The following CNTN3 variants were observed in gnomAD, a reference collection of about 807,000 sequenced individuals.
CNTN3 encodes contactin 3.
A neutral mutation model predicts 119.1 loss-of-function variants in CNTN3; 60 were observed. The observed-to-expected ratio is 0.50, with a 90% confidence interval of 0.41 to 0.62. CNTN3 has a LOEUF of 0.62. Ranked by LOEUF, CNTN3 falls within the 20% of genes least tolerant of loss-of-function variation. The probability of loss-of-function intolerance (pLI) is 0.00; values close to 1 mark genes in which losing one functional copy is unlikely to be tolerated. For synonymous variants in CNTN3, 450 were observed against 438.7 expected (o/e 1.03, Z -0.32); for missense variants, 1,101 against 1,242.4 (o/e 0.89, Z 1.71).
intron 5 of CNTN3, among the ~76,000 whole-genome samples, chr3:74,407,266 T>G (rs887469670): frequency 1.7e-5 from 2 of 117,414 alleles, no homozygotes; most frequent in African/African-American, 5.7e-5. Flanking sequence ...AATATTCTAT[T>G]TTTTTTTTTT....
chr3:74,446,846 T>A (rs1157778404), intron 4 of CNTN3, among the ~76,000 whole-genome samples: 2 of 152,100 alleles, frequency 1.3e-5, no homozygotes, highest in African/African-American at 4.8e-5. Flanking sequence ...TCATAGGGTA[T>A]AAGTTTTTTT....
chr3:74,470,022 A>G (rs1702531331), intron 4 of CNTN3, among the ~76,000 whole-genome samples: 1 of 152,214 alleles, frequency 6.6e-6, no homozygotes, highest in Non-Finnish European at 1.5e-5. Flanking sequence ...TTATTCGGCA[A>G]TAAACAGGAA....
intron 2 of CNTN3, among the ~76,000 whole-genome samples, chr3:74,513,644 A>C (rs895896942): frequency 7.6e-6 from 1 of 131,900 alleles, no homozygotes; most frequent in African/African-American, 2.7e-5. Context: ...CGAGCAGTCC[A>C]AAAAAAAAAA....
chr3:74,555,443 G>A (rs1473663311), intron 1 of CNTN3, among the ~76,000 whole-genome samples: 5 of 152,134 alleles, frequency 3.3e-5, no homozygotes, highest in African/African-American at 9.7e-5. Context: ...GAGTTAGGGA[G>A]GATTGCCTCT....
chr3:74,357,706 GT>G (rs1031559053), intron 11 of CNTN3, among the ~76,000 whole-genome samples: 2 of 152,068 alleles, frequency 1.3e-5, no homozygotes, highest in African/African-American at 4.8e-5. Flanking sequence ...TGGCCTCTAT[GT>G]TAGGCTAGAG....
intron 3 of CNTN3, among the ~76,000 whole-genome samples, chr3:74,493,015 C>T (rs1308119735): frequency 2.0e-5 from 3 of 152,050 alleles, no homozygotes; most frequent in Admixed American, 1.3e-4. Flanking sequence ...TACTAACCTC[C>T]GCATAGTCTT....
intron 1 of CNTN3, among the ~76,000 whole-genome samples, chr3:74,568,182 T>G (rs1362195129): frequency 8.9e-6 from 1 of 112,620 alleles, no homozygotes; most frequent in East Asian, 4.5e-4. Context: ...TAGGAATTAC[T>G]TAATGATTTA....
intron 5 of CNTN3, among the ~76,000 whole-genome samples, chr3:74,384,771 G>C (rs1704705837): frequency 1.3e-5 from 2 of 152,136 alleles, no homozygotes; most frequent in African/African-American, 2.4e-5. Context: ...TGGGACTTGA[G>C]TCCTCTGTTT....
intron 3 of CNTN3, 66 bp from the exon 4 acceptor site, chr3:74,486,697 T>C (rs944994516): frequency 1.2e-4 from 152 of 1,306,168 alleles, no homozygotes; most frequent in Non-Finnish European, 1.5e-4. Context: ...CTCTCCATTA[T>C]AAAATCTACT....
intron 1 of CNTN3, among the ~76,000 whole-genome samples, chr3:74,577,664 T>C (rs969805930): frequency 6.6e-6 from 1 of 152,098 alleles, no homozygotes; most frequent in African/African-American, 2.4e-5. Context: ...ATTGCCTTTT[T>C]TTTAAGTGAA....
At chr3:74,434,067 T>C (rs1701828654) in intron 4 of CNTN3, among the ~76,000 whole-genome samples, 2 of 152,194 alleles carry the variant, frequency 1.3e-5, no homozygotes, top group Non-Finnish European at 2.9e-5. Flanking sequence ...ATTATTGGTG[T>C]CTGCATTGCA....
intron 20 of CNTN3, among the ~76,000 whole-genome samples, chr3:74,282,432 G>A (rs528896599): frequency 1.9e-4 from 29 of 152,262 alleles, no homozygotes; most frequent in African/African-American, 7.0e-4. Context: ...ATTAATAATA[G>A]TACTTGAGGT....
intron 7 of CNTN3, 82 bp downstream of exon 7, chr3:74,369,807 A>G (rs1704292202): frequency 1.3e-5 from 9 of 718,012 alleles, no homozygotes; most frequent in Non-Finnish European, 1.9e-5. Context: ...AAAATAAAAA[A>G]GAAGAGTCTC....
chr3:74,518,984 T>C (rs1439730047), intron 2 of CNTN3, among the ~76,000 whole-genome samples: 1 of 151,854 alleles, frequency 6.6e-6, no homozygotes, highest in African/African-American at 2.4e-5. Context: ...ATAGTATTGA[T>C]AATTTTTAAA....
intron 3 of CNTN3, among the ~76,000 whole-genome samples, chr3:74,488,175 C>T (rs1702893811): frequency 6.6e-6 from 1 of 151,718 alleles, no homozygotes; most frequent in Admixed American, 6.6e-5. Context: ...GTAGGTGGTG[C>T]GATCTCAGCT....
At chr3:74,585,661 T>C (rs576259896) in intron 1 of CNTN3, among the ~76,000 whole-genome samples, 1 of 152,262 alleles carries the variant, frequency 6.6e-6, no homozygotes, top group South Asian at 2.1e-4. Context: ...TAAGTATATA[T>C]ACACTTTTAG....
At chr3:74,492,574 C>T (rs7639846) in intron 3 of CNTN3, among the ~76,000 whole-genome samples, 69,954 of 151,846 alleles carry the variant, frequency 0.46, 18,141 homozygotes, top group Non-Finnish European at 0.58. Context: ...TTTTTGATTC[C>T]TGAATAGAAA....
chr3:74,469,008 A>C (rs555766415), intron 4 of CNTN3, among the ~76,000 whole-genome samples: 3 of 152,202 alleles, frequency 2.0e-5, no homozygotes, highest in Non-Finnish European at 4.4e-5. Context: ...ATCTCAATTA[A>C]AAAAAAGAAG....
chr3:74,605,182 T>G (rs564974742), intron 1 of CNTN3, among the ~76,000 whole-genome samples: 1 of 152,082 alleles, frequency 6.6e-6, no homozygotes, highest in Non-Finnish European at 1.5e-5. Context: ...GGATACAGAA[T>G]TTCTGTTGGA....
Sources: gnomAD v4.1 joint callset for allele counts (sites outside exome capture counted in the v4.1 genomes callset) on GRCh38, gnomAD v4.1.1 for gene constraint, MANE v1.5 for transcripts, NCBI Gene and HGNC (gene_info 2026-07-23, HGNC 2026-07-21) for gene names.